The following HSPBAP1 variants were observed in gnomAD, a reference collection of about 807,000 sequenced individuals.
The protein encoded by HSPBAP1 is HSPB1-associated protein 1.
Under a neutral mutation model 45.2 loss-of-function variants are expected in HSPBAP1, and 27 were observed. The observed-to-expected ratio is 0.60, with a 90% CI of 0.44 to 0.82. The LOEUF (loss-of-function observed/expected upper bound fraction) is 0.82, where lower values mean the gene tolerates loss of function less well. HSPBAP1 is among the 40% of genes least tolerant of loss of function. HSPBAP1 has a pLI of 0.00. For missense variants in HSPBAP1, 510 were observed against 590.9 expected, an observed-to-expected ratio of 0.86 and a Z score of 1.42; for synonymous variants, 204 against 202.7, an observed-to-expected ratio of 1.01 and a Z score of -0.06.
intron 6 of HSPBAP1, among the ~76,000 whole-genome samples, chr3:122,742,418 T>A (rs1425509439): frequency 6.6e-6 from 1 of 152,008 alleles, no homozygotes; most frequent in Non-Finnish European, 1.5e-5. Flanking sequence ...TATTAACAAG[T>A]GTTGGTGAGG....
intron 2 of HSPBAP1, among the ~76,000 whole-genome samples, chr3:122,769,208 A>T (rs1299890825): frequency 6.6e-6 from 1 of 152,256 alleles, no homozygotes; most frequent in Non-Finnish European, 1.5e-5. Flanking sequence ...CACAATACTC[A>T]GGATTAAACA....
intron 3 of HSPBAP1, 114 bp from the exon 4 acceptor site, chr3:122,759,474 G>A: frequency 8.7e-7 from 1 of 1,153,104 alleles, no homozygotes; most frequent in Non-Finnish European, 1.2e-6. Context: ...TTCTATTATG[G>A]AAAATGCTAC....
chr3:122,768,711 T>A lies in HSPBAP1; in HGVS notation c.422A>T (p.Asp141Val). The change falls in exon 3 of 8, where the codon GAT (aspartate) becomes GTT (valine). Residue 141 changes from aspartate to valine, a missense_variant. Coordinates refer to ENST00000306103, the MANE Select transcript of HSPBAP1 (RefSeq NM_024610.6). ...YFVSLFEDKT[D>V]LFQDVKWSDF... ...AAGGTTCTGACTTACCTGGAAAAGA[T>A]CTGTCTTGTCTTCAAATAGACTGAC... The A allele has an allele frequency of 6.2e-7, 1 of 1,609,678 alleles. No individual in the cohort carries two copies. The highest frequency in any genetic ancestry group is 8.5e-7 in the Non-Finnish European group (1 of 1,176,412).
At chr3:122,747,978 T>C (rs896719117) in intron 6 of HSPBAP1, among the ~76,000 whole-genome samples, 1 of 152,204 alleles carries the variant, frequency 6.6e-6, no homozygotes, top group Non-Finnish European at 1.5e-5. Flanking sequence ...AATCGGATGG[T>C]TGCCGTGTCT....
At chr3:122,745,781 C>A (rs779461818) in intron 6 of HSPBAP1, among the ~76,000 whole-genome samples, 1 of 152,044 alleles carries the variant, frequency 6.6e-6, no homozygotes, top group Non-Finnish European at 1.5e-5. Flanking sequence ...TGAAAGTTCT[C>A]GACTTAATAA....
At chr3:122,791,889 T>C (rs1323631342) in intron 1 of HSPBAP1, among the ~76,000 whole-genome samples, 1 of 152,154 alleles carries the variant, frequency 6.6e-6, no homozygotes, top group Non-Finnish European at 1.5e-5. Context: ...GAAGAGTCAC[T>C]TTTTGCTGCA....
At chr3:122,758,512 C>T (rs1267092627) in intron 4 of HSPBAP1, among the ~76,000 whole-genome samples, 1 of 152,128 alleles carries the variant, frequency 6.6e-6, no homozygotes, top group Non-Finnish European at 1.5e-5. Context: ...AACAGTGAAG[C>T]CTCTTCCTTT....
Position 122,793,702 on chromosome 3 carries a change from G to A in HSPBAP1, c.-22C>T, listed in dbSNP as rs1423023039. On this transcript the variant is annotated 5_prime_UTR_variant, in exon 1 of 8. Coordinates refer to ENST00000306103, the MANE Select transcript of HSPBAP1 (RefSeq NM_024610.6). ...CCATGGCTACCGCAAGGCGGGTTCT[G>A]CCGGAACCCAAGGCGGAGCGGAGCT... 6 of 1,612,834 alleles carry A rather than the reference G, an allele frequency of 3.7e-6. No individual in the cohort carries two copies. Among genetic ancestry groups the A allele is most frequent in the African/African-American group, 1.3e-5 (1 of 75,048 alleles).
chr3:122,754,911 C>T (rs931875200), intron 5 of HSPBAP1: 13 of 1,008,940 alleles, frequency 1.3e-5, no homozygotes. Flanking sequence ...CAGATACTAA[C>T]TGTGATTAAA....
At chr3:122,793,494 T>C in intron 1 of HSPBAP1, 123 bp downstream of exon 1, 2 of 734,942 alleles carry the variant, frequency 2.7e-6, no homozygotes, top group Non-Finnish European at 4.7e-6. Flanking sequence ...TTTTTCTTCA[T>C]AGTCTAATGC....
At chr3:122,793,395 C>T (rs764870270) in intron 1 of HSPBAP1, among the ~76,000 whole-genome samples, 10 of 152,208 alleles carry the variant, frequency 6.6e-5, no homozygotes, top group Non-Finnish European at 1.3e-4. Context: ...ACACCCCATG[C>T]GTGAAACAGC....
At chr3:122,752,718 T>G in intron 5 of HSPBAP1, 44 bp from the exon 6 acceptor site, 3 of 1,523,142 alleles carry the variant, frequency 2.0e-6, no homozygotes, top group Non-Finnish European at 2.7e-6. Flanking sequence ...ACAGGACGTT[T>G]CATTTTTATG....
At chr3:122,747,683 G>C (rs1431520900) in intron 6 of HSPBAP1, among the ~76,000 whole-genome samples, 2 of 145,954 alleles carry the variant, frequency 1.4e-5, no homozygotes, top group Non-Finnish European at 3.1e-5. Context: ...GGTGAGGGGC[G>C]CCTCTGCCCA....
At chr3:122,744,289 C>G (rs1337487360) in intron 6 of HSPBAP1, among the ~76,000 whole-genome samples, 1 of 152,048 alleles carries the variant, frequency 6.6e-6, no homozygotes, top group Non-Finnish European at 1.5e-5. Flanking sequence ...GATCCTGCAC[C>G]ACTTGAACAG....
chr3:122,785,918 C>T (rs1465148454), intron 1 of HSPBAP1, among the ~76,000 whole-genome samples: 1 of 150,340 alleles, frequency 6.7e-6, no homozygotes, highest in Non-Finnish European at 1.5e-5. Flanking sequence ...TGTGTGTGTG[C>T]ACGCGCGCAC....
chr3:122,757,930 C>T (rs1196724895), intron 4 of HSPBAP1, among the ~76,000 whole-genome samples: 1 of 152,222 alleles, frequency 6.6e-6, no homozygotes, highest in Non-Finnish European at 1.5e-5. Context: ...AGAGACCACA[C>T]TCATCTGATT....
At chr3:122,791,225 A>G (rs1334811777) in intron 1 of HSPBAP1, among the ~76,000 whole-genome samples, 1 of 152,146 alleles carries the variant, frequency 6.6e-6, no homozygotes, top group African/African-American at 2.4e-5. Context: ...CCTACAACCA[A>G]ATCTAATCAT....
chr3:122,758,898 A>C (rs1281453428), intron 4 of HSPBAP1: 2 of 196,480 alleles, frequency 1.0e-5, no homozygotes, highest in South Asian at 6.0e-5. Flanking sequence ...TAATTTACCA[A>C]AAAAAAAAAA....
At chr3:122,747,701 C>G (rs1247225225) in intron 6 of HSPBAP1, among the ~76,000 whole-genome samples, 8 of 148,952 alleles carry the variant, frequency 5.4e-5, no homozygotes, top group Non-Finnish European at 1.2e-4. Flanking sequence ...CCAGCCGCCC[C>G]TACTGGGAAG....
Sources: allele counts gnomAD v4.1 joint callset (sites outside exome capture counted in the v4.1 genomes callset), GRCh38; gene constraint gnomAD v4.1.1; transcripts MANE v1.5; gene names NCBI Gene and HGNC (gene_info 2026-07-23, HGNC 2026-07-21).